Variants in STK32B observed in about 807,000 individuals in gnomAD.
STK32B encodes the protein serine/threonine kinase 32B.
In STK32B, 43 loss-of-function variants were observed where a neutral mutation model predicts 52.6. The observed-to-expected ratio is 0.82, with a 90% CI of 0.64 to 1.05. The LOEUF (loss-of-function observed/expected upper bound fraction) is 1.05, where lower values mean the gene tolerates loss of function less well. STK32B is among the 50% of genes least tolerant of loss of function. STK32B has a pLI of 0.00. For synonymous variants in STK32B, 238 were observed against 204.3 expected, an observed-to-expected ratio of 1.17 and a Z score of -1.41; for missense variants, 621 against 534.6, an observed-to-expected ratio of 1.16 and a Z score of -1.59.
At position 5,168,459 on chromosome 4, in the gene STK32B, G is replaced by C; in HGVS notation, c.260+9G>C. On this transcript the variant is annotated intron_variant, in intron 3 of 11. Coordinates refer to ENST00000282908, the MANE Select transcript of STK32B (RefSeq NM_018401.3). ...TTCCTGGTCAATCTGTGGTGAGTGTGGCTCCATCCAGGGCTCCTGTGGGTT... is the reference window on the plus strand; with the variant it reads ...TTCCTGGTCAATCTGTGGTGAGTGTCGCTCCATCCAGGGCTCCTGTGGGTT... The C allele has an allele frequency of 6.2e-7, 1 of 1,609,990 alleles. No individual in the cohort carries two copies. Among genetic ancestry groups the C allele is most frequent in the Non-Finnish European group, 8.5e-7 (1 of 1,177,824 alleles).
intron 7 of STK32B, among the ~76,000 whole-genome samples, chr4:5,452,473 A>AG (rs1294737428): frequency 6.6e-6 from 1 of 152,116 alleles, no homozygotes; most frequent in African/African-American, 2.4e-5. Context: ...TCAAAGGAGG[A>AG]GGAAGGACCT....
intron 9 of STK32B, among the ~76,000 whole-genome samples, chr4:5,462,464 A>G (rs111454144): frequency 1.1e-3 from 167 of 152,106 alleles, no homozygotes; most frequent in African/African-American, 3.8e-3. Context: ...TGCGGGGGCA[A>G]TGGCTCAATG....
intron 4 of STK32B, among the ~76,000 whole-genome samples, chr4:5,337,843 A>T (rs1379488676): frequency 2.0e-5 from 3 of 152,144 alleles, no homozygotes; most frequent in Non-Finnish European, 4.4e-5. Context: ...TATCACCTAA[A>T]CCCTGAAAAT....
At chr4:5,344,242 T>C (rs912334167) in intron 4 of STK32B, among the ~76,000 whole-genome samples, 6 of 152,210 alleles carry the variant, frequency 3.9e-5, no homozygotes, top group Non-Finnish European at 5.9e-5. Context: ...ATCTAAATAC[T>C]AATCAAAGTG....
intron 2 of STK32B, among the ~76,000 whole-genome samples, chr4:5,168,082 C>T (rs1191016087): frequency 1.3e-5 from 2 of 152,180 alleles, no homozygotes; most frequent in African/African-American, 4.8e-5. Context: ...ATGGCCAGTG[C>T]TCATGTCAAT....
intron 4 of STK32B, among the ~76,000 whole-genome samples, chr4:5,371,530 A>G (rs999340271): frequency 4.6e-5 from 7 of 152,138 alleles, no homozygotes; most frequent in Admixed American, 1.3e-4. Flanking sequence ...CCTGAGCCTG[A>G]TTCTTGTCTT....
chr4:5,052,665 C>T (rs1408435516), intron 1 of STK32B, among the ~76,000 whole-genome samples: 1 of 152,160 alleles, frequency 6.6e-6, no homozygotes. Context: ...AGTTATGATA[C>T]CACTAGCTAC....
In STK32B at chr4:5,460,211, C is replaced by G; in HGVS notation, c.892C>G (p.Pro298Ala). The G allele has an allele frequency of 6.2e-7, 1 of 1,612,936 alleles. No homozygotes were observed. The highest frequency in any genetic ancestry group is 1.7e-4 in the Middle Eastern group (1 of 5,868). The change falls in exon 9 of 12, where the codon CCC becomes GCC. Residue 298 changes from proline to alanine, a missense_variant. Physicochemically the swap from Pro to Ala is conservative, Grantham distance 27. Transcript: ENST00000282908. The surrounding 1 kb of genome is among the most constrained non-coding windows in gnomAD (Gnocchi z 4.8). ...WDAVFKKALM[P>A]GFVPNKGRLN... ...CGCGGTGTTCAAGAAGGCACTGATG[C>G]CCGGCTTTGTGCCCAATGTGAGTGG... is the stretch of plus-strand genomic sequence containing the variant.
At position 5,487,782 on chromosome 4, in the gene STK32B, C is replaced by CTGTT. The variant is rs568136158; in HGVS notation, c.1107-11161_1107-11158dup. Among the ~76,000 whole-genome samples, 15 of 152,232 alleles carry CTGTT rather than the reference C, an allele frequency of 9.9e-5. No homozygotes were observed. In the East Asian group the frequency reaches 2.9e-3, roughly 29 times the overall value. Reference sequence around the variant, plus strand: ...TCTCGTTCTGACACCTTAGGATAAGCTGTTTACAGTGTGGAAAACACCCCC... The same window carrying CTGTT: ...TCTCGTTCTGACACCTTAGGATAAGCTGTTTGTTTACAGTGTGGAAAACACCCCC... On this transcript the variant is annotated intron_variant, in intron 11 of 11. Coordinates refer to ENST00000282908, the MANE Select transcript of STK32B (RefSeq NM_018401.3).
chr4:5,437,546 C>G (rs894377890), intron 6 of STK32B, among the ~76,000 whole-genome samples: 3 of 152,196 alleles, frequency 2.0e-5, no homozygotes, highest in Non-Finnish European at 4.4e-5. Context: ...TCTTGAGATA[C>G]TTGATTACAT....
chr4:5,146,064 T>TCCC, intron 2 of STK32B, among the ~76,000 whole-genome samples: 1 of 148,826 alleles, frequency 6.7e-6, no homozygotes, highest in South Asian at 2.1e-4. Flanking sequence ...TTTTTTTTTT[T>TCCC]CCCTAGTATG....
At chr4:5,263,404 C>T (rs1726856910) in intron 3 of STK32B, among the ~76,000 whole-genome samples, 1 of 152,172 alleles carries the variant, frequency 6.6e-6, no homozygotes, top group Admixed American at 6.5e-5. Flanking sequence ...CATGTGTTCC[C>T]ATTAGCCTCT....
chr4:5,110,063 A>G (rs1007721925), intron 1 of STK32B, among the ~76,000 whole-genome samples: 7 of 152,026 alleles, frequency 4.6e-5, no homozygotes, highest in African/African-American at 1.7e-4. Flanking sequence ...AAAGAGCTCT[A>G]TAAGGAGAAC....
At chr4:5,071,982 G>A (rs745735932) in intron 1 of STK32B, among the ~76,000 whole-genome samples, 62 of 152,076 alleles carry the variant, frequency 4.1e-4, no homozygotes, top group Non-Finnish European at 7.2e-4. Context: ...TTTGTTTCTT[G>A]TCTTACACCC....
chr4:5,372,725 G>GT (rs1553880200), intron 4 of STK32B, among the ~76,000 whole-genome samples: 6 of 150,516 alleles, frequency 4.0e-5, no homozygotes, highest in African/African-American at 9.8e-5. Context: ...AAAGTTGGGG[G>GT]GGGGGGCGGT....
At chr4:5,172,341 C>G (rs898686429) in intron 3 of STK32B, among the ~76,000 whole-genome samples, 10 of 152,256 alleles carry the variant, frequency 6.6e-5, no homozygotes, top group African/African-American at 1.7e-4. Context: ...ACCTCCAACA[C>G]TATGTTGAAT....
intron 6 of STK32B, among the ~76,000 whole-genome samples, chr4:5,442,161 T>C (rs1169326749): frequency 2.4e-5 from 3 of 126,860 alleles, no homozygotes; most frequent in Non-Finnish European, 4.9e-5. Flanking sequence ...GGTATCCTTG[T>C]TGACTTTCTG....
At position 5,210,248 on chromosome 4, in the gene STK32B, T is replaced by C. The variant is rs182251902; in HGVS notation, c.260+41798T>C. On this transcript the variant is annotated intron_variant, in intron 3 of 11. Transcript: ENST00000282908. ...TCCTCCTCCTCTTTCTTCTTCTTCT[T>C]CTCCTCCTCCTCCTCCTCAAGGCTT... Among the ~76,000 whole-genome samples, 1,249 of 151,776 alleles carry C rather than the reference T, an allele frequency of 8.2e-3. 33 individuals are homozygous for C. Among genetic ancestry groups the C allele is most frequent in the Admixed American group, 0.048 (730 of 15,196 alleles).
chr4:5,134,822 ATGTGTT>A (rs1359471300), intron 1 of STK32B, among the ~76,000 whole-genome samples: 1 of 152,216 alleles, frequency 6.6e-6, no homozygotes. Flanking sequence ...GCTTAAATGC[ATGTGTT>A]TGTACAGGAT....
Sources: allele counts gnomAD v4.1 joint callset (sites outside exome capture counted in the v4.1 genomes callset), GRCh38; gene constraint gnomAD v4.1.1; non-coding constraint Gnocchi (gnomAD v3.1); transcripts MANE v1.5; gene names NCBI Gene and HGNC (gene_info 2026-07-23, HGNC 2026-07-21).